The following TENT4B variants were observed in gnomAD, a reference collection of about 807,000 sequenced individuals.
TENT4B encodes terminal nucleotidyltransferase 4B, also known as PAP associated domain containing 5.
TENT4B carries 10 observed loss-of-function variants against 75.0 expected under a neutral mutation model. The ratio of observed to expected loss-of-function variants is 0.13; its 90% CI spans 0.08 to 0.23. The LOEUF is 0.23. Among genes scored for constraint, TENT4B ranks in the 10% least tolerant of loss-of-function variants. TENT4B has a pLI of 1.00. For missense variants in TENT4B, 579 were observed against 893.8 expected, an observed-to-expected ratio of 0.65 and a Z score of 4.49; for synonymous variants, 350 against 357.7, an observed-to-expected ratio of 0.98 and a Z score of 0.24.
At position 50,211,445 on chromosome 16, in the gene TENT4B, A is replaced by T; in HGVS notation, c.761A>T (p.Asp254Val). The change falls in exon 2 of 12, where the codon GAC (aspartate) becomes GTC (valine). Residue 254 changes from aspartate to valine, a missense_variant and splice_region_variant. By Grantham distance (152) the Asp-to-Val change is radical (BLOSUM62 -3). Transcript: ENST00000561678. ...SVIKELWPSA[D>V]VQIFGSFKTG... is the part of the protein sequence containing the mutation. ...ATTAAGGAGCTCTGGCCCAGCGCTG[A>T]CGTGAGTCCCTTCCTGGGTAGCTTA... 6.3e-7 allele frequency: 1 copy of T among 1,575,426 alleles called. No homozygotes were observed. The highest frequency in any genetic ancestry group is 8.6e-7 in the Non-Finnish European group (1 of 1,168,676).
chr16:50,204,401 CA>C (rs1488979578), intron 1 of TENT4B, among the ~76,000 whole-genome samples: 2 of 152,134 alleles, frequency 1.3e-5, no homozygotes, highest in African/African-American at 4.8e-5. Flanking sequence ...AGTTTCCACT[CA>C]AGGAAACAGT....
In TENT4B at chr16:50,230,921, A is replaced by G. The variant is rs957733408; in HGVS notation, c.*1593A>G. On this transcript the variant is annotated 3_prime_UTR_variant, in exon 12 of 12. Coordinates refer to ENST00000561678, the MANE Select transcript of TENT4B (RefSeq NM_001365324.3). ...TTTCTGAGACGAGATTCTTTTATAT[A>G]TATATACATATAAAGTACTATTGGC... The G allele has an allele frequency of 3.0e-5, 29 of 978,534 alleles. No homozygotes were observed. The highest frequency in any genetic ancestry group is 3.5e-5 in the African/African-American group (2 of 57,064). The allele number at this position is 978,534 out of a possible 1,614,324, so 60.6% of individuals were successfully genotyped here.
chr16:50,153,095 G>A (rs1031000956), upstream of TENT4B: 33 of 1,329,922 alleles, frequency 2.5e-5, no homozygotes, highest in Non-Finnish European at 3.0e-5. Context: ...CGGCCCCGTC[G>A]CGCCGCGGCC....
intron 5 of TENT4B, among the ~76,000 whole-genome samples, chr16:50,218,120 T>A (rs554727455): frequency 1.3e-5 from 2 of 152,216 alleles, no homozygotes; most frequent in South Asian, 4.1e-4. Context: ...GATCAGTGAT[T>A]AACTTATAAT....
In TENT4B at chr16:50,229,343, T is replaced by G; in HGVS notation, c.*15T>G. On this transcript the variant is annotated 3_prime_UTR_variant, in exon 12 of 12. Transcript: ENST00000561678. ...TCTGTAGATAGTCAGCGCTGCGCGG[T>G]GGACTGTCTTCTCTGTGCAATGATC... 1 of 1,600,014 alleles carries G rather than the reference T, an allele frequency of 6.2e-7. No homozygotes were observed. Among genetic ancestry groups the G allele is most frequent in the African/African-American group, 1.3e-5 (1 of 74,246 alleles).
At chr16:50,214,075 CTTGGGG>C in intron 2 of TENT4B, 140 bp from the exon 3 acceptor site, 1 of 630,674 alleles carries the variant, frequency 1.6e-6, no homozygotes, top group East Asian at 3.0e-5. Context: ...CTTCATGAAG[CTTGGGG>C]TTAGAAAAAA....
chr16:50,193,245 G>C (rs1008525761), intron 1 of TENT4B, among the ~76,000 whole-genome samples: 1 of 151,684 alleles, frequency 6.6e-6, no homozygotes, highest in African/African-American at 2.4e-5. Flanking sequence ...TTTGGAGTTA[G>C]CTTTTTGGTT....
chr16:50,153,193 G>GGGGC (rs2037800164), upstream of TENT4B, among the ~76,000 whole-genome samples: 1 of 127,192 alleles, frequency 7.9e-6, no homozygotes, highest in Admixed American at 7.4e-5. Context: ...TGGGGGGGGG[G>GGGGC]GGCGGAGCGA....
At chr16:50,201,086 C>T (rs1379480623) in intron 1 of TENT4B, among the ~76,000 whole-genome samples, 1 of 152,142 alleles carries the variant, frequency 6.6e-6, no homozygotes, top group African/African-American at 2.4e-5. Context: ...AGGCCTGAGC[C>T]ACTTAGCCTA....
chr16:50,213,233 A>C (rs555107106), intron 2 of TENT4B, among the ~76,000 whole-genome samples: 1 of 152,098 alleles, frequency 6.6e-6, no homozygotes, highest in South Asian at 2.1e-4. Flanking sequence ...TGATTTTTGT[A>C]ATTTTAGTAG....
chr16:50,229,073 T>C, intron 11 of TENT4B, 79 bp from the exon 12 acceptor site: 2 of 1,564,536 alleles, frequency 1.3e-6, no homozygotes, highest in Non-Finnish European at 1.7e-6. Flanking sequence ...TTTTGAAAGC[T>C]TCCCCAAATC....
intron 1 of TENT4B, among the ~76,000 whole-genome samples, chr16:50,156,328 T>G (rs2037898493): frequency 6.8e-6 from 1 of 146,892 alleles, no homozygotes; most frequent in African/African-American, 2.5e-5. Context: ...AATTCTTGCT[T>G]TGATTCATGT....
chr16:50,219,992 A>T (rs1186673181), intron 5 of TENT4B, among the ~76,000 whole-genome samples: 5 of 15,688 alleles, frequency 3.2e-4, no homozygotes, highest in East Asian at 5.9e-3. Flanking sequence ...CTTTTTTTTT[A>T]ATTTTTTTTT....
intron 1 of TENT4B, 32 bp from the exon 2 acceptor site, chr16:50,211,291 G>A (rs2031264798): frequency 7.0e-6 from 11 of 1,582,110 alleles, no homozygotes; most frequent in Non-Finnish European, 9.4e-6. Context: ...GATTGGCCCT[G>A]TTCATATTAA....
intron 1 of TENT4B, among the ~76,000 whole-genome samples, chr16:50,208,642 A>G (rs905007247): frequency 6.6e-6 from 1 of 152,220 alleles, no homozygotes; most frequent in Non-Finnish European, 1.5e-5. Flanking sequence ...TCATTGTTAG[A>G]TGGAAGTGAC....
intron 1 of TENT4B, among the ~76,000 whole-genome samples, chr16:50,161,742 G>A (rs1271342820): frequency 6.6e-6 from 1 of 152,254 alleles, no homozygotes; most frequent in African/African-American, 2.4e-5. Context: ...AATGGTAGTA[G>A]CTCACATAAC....
At chr16:50,172,056 A>AT (rs1419429689) in intron 1 of TENT4B, among the ~76,000 whole-genome samples, 1 of 151,734 alleles carries the variant, frequency 6.6e-6, no homozygotes. Flanking sequence ...AAATAAATAA[A>AT]AATACAGTGT....
intron 1 of TENT4B, among the ~76,000 whole-genome samples, chr16:50,190,129 G>A (rs1195930557): frequency 6.6e-6 from 1 of 150,844 alleles, no homozygotes; most frequent in Admixed American, 6.6e-5. Context: ...ATGTATTTTT[G>A]GTATTTGTTT....
chr16:50,199,500 C>G (rs962623684), intron 1 of TENT4B, among the ~76,000 whole-genome samples: 2 of 152,218 alleles, frequency 1.3e-5, no homozygotes, highest in African/African-American at 4.8e-5. Flanking sequence ...CATTTGTGCT[C>G]TAAAAATTTT....
Sources: gnomAD v4.1 joint callset for allele counts (sites outside exome capture counted in the v4.1 genomes callset) on GRCh38, gnomAD v4.1.1 for gene constraint, MANE v1.5 for transcripts, NCBI Gene and HGNC (gene_info 2026-07-23, HGNC 2026-07-21) for gene names.